TBC1D15: variants seen among roughly 807,000 people sequenced by gnomAD.
TBC1D15 encodes the protein TBC1 domain family member 15, also known as GAP for RAB7.
TBC1D15 carries 39 observed loss-of-function variants against 95.4 expected under a neutral mutation model. That is an observed-to-expected ratio of 0.41 (90% confidence interval 0.32 to 0.53). The LOEUF is 0.53. Among genes scored for constraint, TBC1D15 ranks in the 20% least tolerant of loss-of-function variants. The pLI is 0.29. For missense variants in TBC1D15, 733 were observed against 794.3 expected, an observed-to-expected ratio of 0.92 and a Z score of 0.93; for synonymous variants, 258 against 261.3, an observed-to-expected ratio of 0.99 and a Z score of 0.12.
Position 71,847,693 on chromosome 12 carries a change from GA to G in TBC1D15, c.30+7891del, listed in dbSNP as rs201072697. ...CTGGGTGACAGAGCGAGACTGTCTC[GA>G]AAAAAAAACCCCACAAATAATATTC... On this transcript the variant is annotated intron_variant, in intron 1 of 16. Transcript: ENST00000485960. Among the ~76,000 whole-genome samples, 1,112 of 148,444 alleles carry G rather than the reference GA, an allele frequency of 7.5e-3. 14 individuals carry two copies. The highest frequency in any genetic ancestry group is 0.011 in the Non-Finnish European group (720 of 67,016).
At chr12:71,914,549 A>G (rs1405019588) in intron 12 of TBC1D15, among the ~76,000 whole-genome samples, 1 of 152,018 alleles carries the variant, frequency 6.6e-6, no homozygotes, top group Non-Finnish European at 1.5e-5. Context: ...CAGGAAAATA[A>G]AAGAAAAGTC....
chr12:71,895,468 C>T (rs1267008071), intron 7 of TBC1D15, among the ~76,000 whole-genome samples: 1 of 151,988 alleles, frequency 6.6e-6, no homozygotes, highest in African/African-American at 2.4e-5. Flanking sequence ...TTGAATAAAA[C>T]ACTATAGAAA....
intron 5 of TBC1D15, among the ~76,000 whole-genome samples, chr12:71,889,037 A>G (rs978811658): frequency 3.3e-5 from 5 of 152,150 alleles, no homozygotes; most frequent in African/African-American, 1.2e-4. Flanking sequence ...ATAATATGTA[A>G]GTTTTCCATG....
At chr12:71,857,869 G>A (rs1043604203) in intron 1 of TBC1D15, among the ~76,000 whole-genome samples, 1 of 152,076 alleles carries the variant, frequency 6.6e-6, no homozygotes, top group Non-Finnish European at 1.5e-5. Context: ...TCTGCCTGTG[G>A]TAACTGCTGT....
At chr12:71,860,689 A>G (rs1890184143) in intron 1 of TBC1D15, among the ~76,000 whole-genome samples, 1 of 152,132 alleles carries the variant, frequency 6.6e-6, no homozygotes, top group Non-Finnish European at 1.5e-5. Flanking sequence ...GCAAACAAGG[A>G]TTCTTTACAA....
At chr12:71,849,492 C>T in intron 1 of TBC1D15, 1 of 803,536 alleles carries the variant, frequency 1.2e-6, no homozygotes, top group East Asian at 2.6e-5. Context: ...TTCCATTACT[C>T]CAAAGAGCGA....
At chr12:71,891,593 G>C (rs545458130) in intron 5 of TBC1D15, among the ~76,000 whole-genome samples, 1 of 152,124 alleles carries the variant, frequency 6.6e-6, no homozygotes, top group Non-Finnish European at 1.5e-5. Context: ...TCCTTTGACT[G>C]ATGTACTTTT....
intron 3 of TBC1D15, among the ~76,000 whole-genome samples, chr12:71,879,994 A>T (rs1022951618): frequency 6.6e-6 from 1 of 152,182 alleles, no homozygotes; most frequent in Non-Finnish European, 1.5e-5. Context: ...ACCTGTGAAT[A>T]TGTTGCTTTT....
intron 3 of TBC1D15, among the ~76,000 whole-genome samples, chr12:71,875,255 T>G (rs1893549501): frequency 6.6e-6 from 1 of 152,210 alleles, no homozygotes. Context: ...TTGTAAGAAT[T>G]CTTTATATAT....
chr12:71,882,763 A>G (rs1408076925), intron 4 of TBC1D15, among the ~76,000 whole-genome samples: 2 of 152,192 alleles, frequency 1.3e-5, no homozygotes, highest in Non-Finnish European at 2.9e-5. Context: ...CTCTTCTAGC[A>G]CTGAGGATAT....
At chr12:71,891,352 C>T (rs1255696757) in intron 5 of TBC1D15, among the ~76,000 whole-genome samples, 3 of 152,096 alleles carry the variant, frequency 2.0e-5, no homozygotes, top group African/African-American at 4.8e-5. Flanking sequence ...GTTTAGCAGG[C>T]TGTAATAGAA....
chr12:71,892,905 T>C (rs1310981573), intron 5 of TBC1D15, among the ~76,000 whole-genome samples: 2 of 151,742 alleles, frequency 1.3e-5, no homozygotes, highest in East Asian at 3.9e-4. Context: ...TTTTCTACTA[T>C]AATTCTAGAG....
chr12:71,913,767 C>A, intron 11 of TBC1D15, 59 bp from the exon 12 acceptor site: 1 of 1,201,048 alleles, frequency 8.3e-7, no homozygotes, highest in South Asian at 1.4e-5. Context: ...ATATGCACAA[C>A]TTGCAGAAGG....
At chr12:71,898,297 G>A (rs981194911) in intron 10 of TBC1D15, among the ~76,000 whole-genome samples, 28 of 151,854 alleles carry the variant, frequency 1.8e-4, no homozygotes, top group Admixed American at 1.3e-3. Context: ...CTGTAGATGA[G>A]CAAAAAGAGG....
chr12:71,874,615 T>G (rs1288744732), intron 3 of TBC1D15, among the ~76,000 whole-genome samples: 2 of 150,304 alleles, frequency 1.3e-5, no homozygotes, highest in African/African-American at 4.9e-5. Flanking sequence ...TTTATTTATA[T>G]TTACTATTTT....
At position 71,897,478 on chromosome 12, in the gene TBC1D15, A is replaced by T. The variant is rs12426695; in HGVS notation, c.1089-369A>T. ...TGGAACTATAATGTCACATTTTTTA[A>T]AAAAAAAGTCACTTAGATTTGTATT... On this transcript the variant is annotated intron_variant, in intron 9 of 16. Coordinates refer to ENST00000485960, the MANE Select transcript of TBC1D15 (RefSeq NM_001146213.3). Among the ~76,000 whole-genome samples the T allele has an allele frequency of 7.3e-3, 1,104 of 151,918 alleles. 33 individuals carry two copies. Among genetic ancestry groups the T allele is most frequent in the East Asian group, 0.055 (285 of 5,176 alleles).
intron 1 of TBC1D15, among the ~76,000 whole-genome samples, chr12:71,846,195 C>T (rs1886225567): frequency 6.6e-6 from 1 of 152,162 alleles, no homozygotes. Context: ...AGCTCCTTTG[C>T]TAGAGGAGAA....
At chr12:71,883,928 T>C (rs1389543611) in intron 4 of TBC1D15, among the ~76,000 whole-genome samples, 2 of 152,188 alleles carry the variant, frequency 1.3e-5, no homozygotes, top group African/African-American at 4.8e-5. Context: ...TTGCTTGTTA[T>C]CAATTACGAT....
At chr12:71,849,166 A>T (rs2137889524) in intron 1 of TBC1D15, 1 of 253,706 alleles carries the variant, frequency 3.9e-6, no homozygotes, top group Non-Finnish European at 7.3e-6. Context: ...GTGATTATAA[A>T]AAAAAAAAAA....
Sources: allele counts gnomAD v4.1 joint callset (sites outside exome capture counted in the v4.1 genomes callset), GRCh38; gene constraint gnomAD v4.1.1; transcripts MANE v1.5; gene names NCBI Gene and HGNC (gene_info 2026-07-23, HGNC 2026-07-21).